The following ITGA3 variants were observed in gnomAD, a reference collection of about 807,000 sequenced individuals.
ITGA3 encodes the protein integrin subunit alpha 3, also known as integrin alpha-3.
In ITGA3, 70 loss-of-function variants were observed where a neutral mutation model predicts 131.1. The observed-to-expected ratio is 0.53, with a 90% CI of 0.44 to 0.65. The LOEUF (loss-of-function observed/expected upper bound fraction) is 0.65, where lower values mean the gene tolerates loss of function less well. Among genes scored for constraint, ITGA3 ranks in the 30% least tolerant of loss-of-function variants. The probability of loss-of-function intolerance (pLI) is 0.00; values close to 1 mark genes in which losing one functional copy is unlikely to be tolerated. For synonymous variants in ITGA3, 537 were observed against 571.6 expected, an observed-to-expected ratio of 0.94 and a Z score of 0.86; for missense variants, 1,098 against 1,388.6, an observed-to-expected ratio of 0.79 and a Z score of 3.33.
chr17:50,088,106 C>T (rs894488980), intron 24 of ITGA3, 119 bp from the exon 25 acceptor site: 89 of 1,361,974 alleles, frequency 6.5e-5, no homozygotes, highest in Middle Eastern at 2.6e-4. Context: ...CACCACCAAG[C>T]TGGGACTGAG....
intron 16 of ITGA3, among the ~76,000 whole-genome samples, chr17:50,077,843 G>A (rs564355590): frequency 2.0e-4 from 30 of 152,320 alleles, no homozygotes; most frequent in African/African-American, 7.0e-4. Context: ...TAGCTCAAAA[G>A]TAGCAGAGAT....
At chr17:50,058,727 GAGCCAGCTGGGCTTAGCTGC>G (rs1284408921) in intron 1 of ITGA3, among the ~76,000 whole-genome samples, 1 of 152,254 alleles carries the variant, frequency 6.6e-6, no homozygotes, top group African/African-American at 2.4e-5. Context: ...CCATTTGGGA[GAGCCAGCTGGGCTTAGCTGC>G]AGCCAGCTGT....
intron 4 of ITGA3, among the ~76,000 whole-genome samples, chr17:50,068,818 ATTTATTTATTTATTTAT>A (rs1908460922): frequency 6.8e-5 from 8 of 117,514 alleles, no homozygotes; most frequent in African/African-American, 2.3e-4. Flanking sequence ...AGTCTTTTTT[ATTTATTTATTTATTTAT>A]TTATTTATTT....
rs767757449 is a variant in ITGA3 at position 50,064,078 on chromosome 17, C to A, written c.208C>A (p.Leu70Ile). 3 of 1,612,838 alleles carry A rather than the reference C, an allele frequency of 1.9e-6. No homozygotes were observed. The highest frequency in any genetic ancestry group is 2.2e-5 in the East Asian group (1 of 44,864). ...ACCCACCTCCGTCCCTATCCCCAGG[C>A]TCCTGGCTGGTGCCCCCCGGGAGCT... ...RQTERQQRYL[L>I]LAGAPRELAV... The change falls in exon 2 of 26, where the codon CTC becomes ATC. Residue 70 changes from leucine (L) to isoleucine (I), a missense_variant and splice_region_variant. By Grantham distance (5) the Leu-to-Ile change is conservative. This residue lies in a region of ITGA3 where 356 missense variants were observed against 529.2 expected (regional missense o/e 0.67). Transcript: ENST00000320031. The surrounding 1 kb of genome is among the most constrained non-coding windows in gnomAD (Gnocchi z 4.4).
intron 7 of ITGA3, among the ~76,000 whole-genome samples, chr17:50,072,855 G>A (rs918557812): frequency 6.6e-6 from 1 of 152,042 alleles, no homozygotes; most frequent in Non-Finnish European, 1.5e-5. Context: ...AGGACTTGGG[G>A]ACCAATCGGA....
Position 50,072,103 on chromosome 17 carries a change from CCTT to C in ITGA3, c.1082_1084del (p.Leu361del), listed in dbSNP as rs1383082897. 1 of 1,614,132 alleles carries C rather than the reference CCTT, an allele frequency of 6.2e-7. No individual in the cohort carries two copies. The highest frequency in any genetic ancestry group is 8.5e-7 in the Non-Finnish European group (1 of 1,180,016). On this transcript the variant is annotated inframe_deletion, in exon 7 of 26. Coordinates refer to ENST00000320031, the MANE Select transcript of ITGA3 (RefSeq NM_002204.4). ...CCTCCTTCCCTGCTCACCCCTCACT[CCTT>C]CTTCATGGCCCCAGTGGCTCTGCCT... is the stretch of plus-strand genomic sequence containing the variant.
chr17:50,071,390 T>C lies in ITGA3; in HGVS notation c.831T>C (p.His277=), dbSNP rs1908624240. ...TIVTGAPRHR[H]MGAVFLLSQE... The stretch of plus-strand genomic sequence containing the variant: ...TGACAGGTGCCCCACGGCACCGACA[T>C]ATGGGCGCGGTGTTCTTGCTGAGCC... Residue 277 remains histidine (H), a synonymous_variant, in exon 6 of 26, where the codon CAT becomes CAC. Coordinates refer to ENST00000320031, the MANE Select transcript of ITGA3 (RefSeq NM_002204.4). 4.3e-6 allele frequency: 7 copies of C among 1,614,052 alleles called. No homozygotes were observed. The highest frequency in any genetic ancestry group is 5.9e-6 in the Non-Finnish European group (7 of 1,180,048).
chr17:50,071,030 T>C (rs1908601795), intron 5 of ITGA3, 100 bp downstream of exon 5: 1 of 832,482 alleles, frequency 1.2e-6, no homozygotes, highest in Admixed American at 1.8e-5. Context: ...TAATGGCATT[T>C]AGTTAAACTA....
chr17:50,084,591 T>C (rs1448521213), intron 23 of ITGA3, among the ~76,000 whole-genome samples: 1 of 152,112 alleles, frequency 6.6e-6, no homozygotes, highest in Non-Finnish European at 1.5e-5. Flanking sequence ...TCTTTACCAA[T>C]TGACGTGAAA....
chr17:50,074,197 C>T lies in ITGA3; in HGVS notation c.1299C>T (p.Ser433=), dbSNP rs765745707. 6.2e-7 allele frequency: 1 copy of T among 1,614,224 alleles called. No individual in the cohort carries two copies. Among genetic ancestry groups the T allele is most frequent in the East Asian group, 2.2e-5 (1 of 44,878 alleles). ...CTGGGTTGGCCACCTTCGGCTATTCCCTCAGTGGGCAGATGGATGTGGATG... is the reference window on the plus strand; with the variant it reads ...CTGGGTTGGCCACCTTCGGCTATTCTCTCAGTGGGCAGATGGATGTGGATG... The part of the protein sequence containing the change: ...GLPGLATFGY[S]LSGQMDVDEN... The change falls in exon 9 of 26, where the codon TCC becomes TCT. Residue 433 remains serine (S), a synonymous_variant. Transcript: ENST00000320031.
intron 23 of ITGA3, chr17:50,086,576 C>G (rs150580592): frequency 1.3e-5 from 2 of 149,412 alleles, no homozygotes; most frequent in Non-Finnish European, 3.0e-5. Context: ...GAAATTCCAG[C>G]TACTTGGGAG....
intron 12 of ITGA3, 33 bp from the exon 13 acceptor site, chr17:50,076,293 C>T: frequency 6.2e-7 from 1 of 1,604,440 alleles, no homozygotes; most frequent in Non-Finnish European, 8.5e-7. Flanking sequence ...GGGAGCAGTG[C>T]AGGGCCGGGC....
At chr17:50,073,389 A>G (rs964679030) in intron 7 of ITGA3, among the ~76,000 whole-genome samples, 1 of 152,148 alleles carries the variant, frequency 6.6e-6, no homozygotes, top group Admixed American at 6.5e-5. Flanking sequence ...CTCCTCATCT[A>G]TAAAGTGGGG....
Position 50,085,870 on chromosome 17 carries a change from A to AC in ITGA3, c.2920-1874_2920-1873insC, listed in dbSNP as rs35829357. On this transcript the variant is annotated intron_variant, in intron 23 of 25. Transcript: ENST00000320031. The stretch of plus-strand genomic sequence containing the variant: ...ATTTATAATGTATATTAGATTATAC[A>AC]TTATAGATTTATAATGTATATTAGA... 1.8e-3 allele frequency among the ~76,000 whole-genome samples: 193 copies of AC among 108,388 alleles called. 2 individuals are homozygous for AC. Among genetic ancestry groups the AC allele is most frequent in the Middle Eastern group, 0.011 (2 of 178 alleles). The allele number at this position is 108,388 out of a possible 152,430, so 71.1% of individuals were successfully genotyped here.
chr17:50,056,489 G>T lies in ITGA3; in HGVS notation c.50G>T (p.Cys17Phe). Residue 17 changes from cysteine (C) to phenylalanine (F), a missense_variant, in exon 1 of 26, where the codon TGT (cysteine) becomes TTT (phenylalanine). By Grantham distance (205) the Cys-to-Phe change is radical. This residue lies in a region of ITGA3 where 43 missense variants were observed against 30.3 expected (regional missense o/e 1.42). Transcript: ENST00000320031. The surrounding 1 kb of genome is among the most constrained non-coding windows in gnomAD (Gnocchi z 5.6). The stretch of plus-strand genomic sequence containing the variant: ...CCCCGCGCCCCACGCCTGATGCTCT[G>T]TGCGCTCGCCTTGATGGTGGCGGCC... Reference protein sequence around the residue: ...RAPRAPRLMLCALALMVAAGG... With the variant: ...RAPRAPRLMLFALALMVAAGG... 1 of 1,549,642 alleles carries T rather than the reference G, an allele frequency of 6.5e-7. No individual in the cohort carries two copies. Among genetic ancestry groups the T allele is most frequent in the Non-Finnish European group, 8.7e-7 (1 of 1,146,814 alleles).
intron 3 of ITGA3, chr17:50,065,717 CTTCT>C (rs1908307831): frequency 1.3e-5 from 2 of 148,176 alleles, no homozygotes; most frequent in African/African-American, 4.9e-5. Context: ...TTTTCTTTCT[CTTCT>C]TTCTTCTTTC....
intron 4 of ITGA3, among the ~76,000 whole-genome samples, chr17:50,068,991 G>A (rs1440200815): frequency 6.6e-6 from 1 of 151,822 alleles, no homozygotes; most frequent in East Asian, 1.9e-4. Flanking sequence ...GGGACTACAG[G>A]TGCCCGCCAC....
chr17:50,075,627 G>GGACCGCC lies in ITGA3; in HGVS notation c.1568_1574dup (p.Arg528AlafsTer10). The GGACCGCC allele has an allele frequency of 6.2e-7, 1 of 1,614,226 alleles. No homozygotes were observed. The highest frequency in any genetic ancestry group is 8.5e-7 in the Non-Finnish European group (1 of 1,180,042). On this transcript the variant is annotated frameshift_variant, in exon 12 of 26. Transcript: ENST00000320031. LOFTEE classifies it high-confidence loss of function. ...TGGCCTACACTCTGGAGGCTGACAGGGACCGCCGGCCGCCCCGGCTCCGCT... is the reference window on the plus strand; with the variant it reads ...TGGCCTACACTCTGGAGGCTGACAGGGACCGCCGACCGCCGGCCGCCCCGGCTCCGCT...
chr17:50,080,466 GT>G (rs1567703948), intron 22 of ITGA3, 91 bp downstream of exon 22: 3,742 of 96,634 alleles, frequency 0.039, 123 homozygotes, highest in African/African-American at 0.15. Context: ...TAGCATGGGT[GT>G]GTGTGTGTGT....
Sources: allele counts gnomAD v4.1 joint callset (sites outside exome capture counted in the v4.1 genomes callset), GRCh38; gene constraint gnomAD v4.1.1; regional missense constraint gnomAD v4.1.1; non-coding constraint Gnocchi (gnomAD v3.1); transcripts MANE v1.5; gene names NCBI Gene and HGNC (gene_info 2026-07-23, HGNC 2026-07-21).